Variants in SESTD1 observed in about 807,000 individuals in gnomAD.
SESTD1 encodes the protein SEC14 and spectrin domain containing 1.
A neutral mutation model predicts 101.7 loss-of-function variants in SESTD1; 43 were observed. That is an observed-to-expected ratio of 0.42 (90% confidence interval 0.33 to 0.55). The LOEUF (loss-of-function observed/expected upper bound fraction) is 0.55. Ranked by LOEUF, SESTD1 falls within the 20% of genes least tolerant of loss-of-function variation. The pLI, the probability that SESTD1 is intolerant of heterozygous loss-of-function variation, is 0.07. For synonymous variants in SESTD1, 283 were observed against 286.8 expected, an observed-to-expected ratio of 0.99 and a Z score of 0.13; for missense variants, 647 against 815.1, an observed-to-expected ratio of 0.79 and a Z score of 2.51.
chr2:179,212,653 C>T lies in SESTD1; in HGVS notation c.-25-20787G>A, dbSNP rs567080918. Among the ~76,000 whole-genome samples the T allele has an allele frequency of 2.1e-4, 29 of 135,538 alleles. 7 individuals carry two copies. The highest frequency in any genetic ancestry group is 3.5e-4 in the African/African-American group (12 of 34,402). The allele number at this position is 135,538 out of a possible 152,430, so 88.9% of individuals were successfully genotyped here. On this transcript the variant is annotated intron_variant, in intron 1 of 17. Coordinates refer to ENST00000428443, the MANE Select transcript of SESTD1 (RefSeq NM_178123.5). Reference sequence around the variant, plus strand: ...GAGAACAGTTGTTCTCCCAACATGGCGTTTGAGCTCTGAGAATGGACAGAT... The same window carrying T: ...GAGAACAGTTGTTCTCCCAACATGGTGTTTGAGCTCTGAGAATGGACAGAT...
chr2:179,211,815 C>T (rs1224007237), intron 1 of SESTD1, among the ~76,000 whole-genome samples: 2 of 129,772 alleles, frequency 1.5e-5, no homozygotes, highest in Admixed American at 7.5e-5. Flanking sequence ...TATGAGGATA[C>T]GAAGGCAGGA....
chr2:179,202,579 A>T lies in SESTD1; in HGVS notation c.-25-10713T>A, dbSNP rs1243866856. 1.5e-5 allele frequency among the ~76,000 whole-genome samples: 2 copies of T among 134,628 alleles called. 1 individual carries two copies. The highest frequency in any genetic ancestry group is 5.9e-5 in the African/African-American group (2 of 33,966). The allele number at this position is 134,628 out of a possible 152,430, so 88.3% of individuals were successfully genotyped here. A position where few individuals can be genotyped will look rare whatever the true frequency, so the allele number is the denominator to read the frequency against. On this transcript the variant is annotated intron_variant, in intron 1 of 17. Transcript: ENST00000428443. ...TTTCTGTGTCTAATTAAATTCAAAC[A>T]CTTTTTCCTTGAGTTTAATTTTCAG... is the stretch of plus-strand genomic sequence containing the variant.
At chr2:179,244,003 T>C (rs2047193526) in intron 1 of SESTD1, among the ~76,000 whole-genome samples, 1 of 151,376 alleles carries the variant, frequency 6.6e-6, no homozygotes, top group Non-Finnish European at 1.5e-5. Context: ...TGTACACTTG[T>C]ATCCTAGCTA....
chr2:179,123,740 C>A lies in SESTD1; in HGVS notation c.1257G>T (p.Leu419=), dbSNP rs2044805173. The change falls in exon 12 of 18, where the codon CTG becomes CTT. Residue 419 remains leucine (L), a synonymous_variant. Transcript: ENST00000428443. ...CAACACTTTTCAGCTTCTCTTCAAG[C>A]AGTTTTAAAGTTTGCTGAATCGATG... ...DGASIQQTLK[L]LEEKLKSVDV... 1.2e-6 allele frequency: 2 copies of A among 1,613,290 alleles called. No homozygotes were observed. Among genetic ancestry groups the A allele is most frequent in the South Asian group, 2.2e-5 (2 of 90,978 alleles).
At chr2:179,114,745 G>A (rs993287100) in intron 16 of SESTD1, among the ~76,000 whole-genome samples, 8 of 152,088 alleles carry the variant, frequency 5.3e-5, no homozygotes, top group Non-Finnish European at 1.2e-4. Flanking sequence ...CATAACGAAA[G>A]AGATTGAACT....
intron 7 of SESTD1, among the ~76,000 whole-genome samples, chr2:179,149,059 CAAAAAAAAAAAAAAAAA>C (rs66636048): frequency 8.3e-5 from 5 of 60,414 alleles, no homozygotes; most frequent in Admixed American, 5.9e-4. Context: ...GACTCCGTCT[CAAAAAAAAAAAAAAAAA>C]AAAAAAAAAA....
chr2:179,121,904 T>C lies in SESTD1; in HGVS notation c.1308A>G (p.Glu436=), dbSNP rs1456965257. The change falls in exon 13 of 18, where the codon GAA becomes GAG. Residue 436 remains glutamate, a synonymous_variant. Transcript: ENST00000428443. The part of the protein sequence containing the change: ...SVDVGLQGLR[E]KGQGLLDQIS... Reference sequence around the variant, plus strand: ...TCTGATCCAGGAGACCTTGACCTTTTTCACGCAAACCTTGCAATCCCACAT... The same window carrying C: ...TCTGATCCAGGAGACCTTGACCTTTCTCACGCAAACCTTGCAATCCCACAT... The C allele has an allele frequency of 6.2e-7, 1 of 1,606,080 alleles. No individual in the cohort carries two copies. Among genetic ancestry groups the C allele is most frequent in the East Asian group, 2.2e-5 (1 of 44,480 alleles).
Position 179,102,289 on chromosome 2 carries a change from A to C in SESTD1, c.*7610T>G, listed in dbSNP as rs1330893256. The C allele has an allele frequency of 6.6e-6, 1 of 152,166 alleles. No individual in the cohort carries two copies. Among genetic ancestry groups the C allele is most frequent in the African/African-American group, 2.4e-5 (1 of 41,440 alleles). 9.4% of individuals were successfully genotyped at this position (152,166 alleles called of 1,614,324 possible). On this transcript the variant is annotated 3_prime_UTR_variant, in exon 18 of 18. Transcript: ENST00000428443. ...GGTTATTTCAGAATATACAAGTTACATTTTTGATTTAATGAAAGGTTTTAG... is the reference window on the plus strand; with the variant it reads ...GGTTATTTCAGAATATACAAGTTACCTTTTTGATTTAATGAAAGGTTTTAG...
intron 2 of SESTD1, among the ~76,000 whole-genome samples, chr2:179,184,887 A>T (rs1331794875): frequency 6.6e-6 from 1 of 152,132 alleles, no homozygotes; most frequent in Non-Finnish European, 1.5e-5. Flanking sequence ...GCTTTCATTC[A>T]GGGACAATAA....
intron 16 of SESTD1, among the ~76,000 whole-genome samples, chr2:179,113,406 A>G (rs1395237295): frequency 1.3e-5 from 2 of 152,164 alleles, no homozygotes; most frequent in Non-Finnish European, 2.9e-5. Flanking sequence ...ACTGCCATAA[A>G]ATGATTAGGT....
At chr2:179,192,329 T>C (rs1469497510) in intron 1 of SESTD1, among the ~76,000 whole-genome samples, 1 of 152,214 alleles carries the variant, frequency 6.6e-6, no homozygotes, top group Admixed American at 6.5e-5. Flanking sequence ...AAATATCTGA[T>C]TCTTTCCATT....
rs2044405331 is a variant in SESTD1 at position 179,107,292 on chromosome 2, A to T, written c.*2607T>A. The T allele has an allele frequency of 6.6e-6, 1 of 152,200 alleles. No individual in the cohort carries two copies. The highest frequency in any genetic ancestry group is 1.5e-5 in the Non-Finnish European group (1 of 68,028). 9.4% of individuals were successfully genotyped at this position (152,200 alleles called of 1,614,324 possible). On this transcript the variant is annotated 3_prime_UTR_variant, in exon 18 of 18. Coordinates refer to ENST00000428443, the MANE Select transcript of SESTD1 (RefSeq NM_178123.5). ...AGCAGCAGCAAATTTACAGATGAGGAGCAATGATATTCATTATGTTAAAAT... is the reference window on the plus strand; with the variant it reads ...AGCAGCAGCAAATTTACAGATGAGGTGCAATGATATTCATTATGTTAAAAT...
At chr2:179,198,793 C>A (rs866840087) in intron 1 of SESTD1, among the ~76,000 whole-genome samples, 2 of 151,922 alleles carry the variant, frequency 1.3e-5, no homozygotes, top group Non-Finnish European at 2.9e-5. Flanking sequence ...ATTTCTGGGA[C>A]GCATTCAAAG....
chr2:179,229,201 C>T (rs1047193463), intron 1 of SESTD1, among the ~76,000 whole-genome samples: 2 of 152,086 alleles, frequency 1.3e-5, no homozygotes, highest in African/African-American at 4.8e-5. Flanking sequence ...ACAGTGTTTA[C>T]GGAAAAGACG....
At chr2:179,245,188 T>C (rs935756393) in intron 1 of SESTD1, among the ~76,000 whole-genome samples, 17 of 151,730 alleles carry the variant, frequency 1.1e-4, no homozygotes, top group African/African-American at 3.4e-4. Context: ...GTTGGCAACA[T>C]AGCAAGACCC....
chr2:179,180,694 T>G (rs2046093221), intron 3 of SESTD1, among the ~76,000 whole-genome samples: 1 of 152,178 alleles, frequency 6.6e-6, no homozygotes, highest in South Asian at 2.1e-4. Flanking sequence ...TATGAACATT[T>G]TAATAAAATG....
At chr2:179,241,562 A>G (rs2047153619) in intron 1 of SESTD1, among the ~76,000 whole-genome samples, 1 of 152,136 alleles carries the variant, frequency 6.6e-6, no homozygotes, top group African/African-American at 2.4e-5. Context: ...TGGGGGCTCA[A>G]GCAGGAAGAT....
intron 16 of SESTD1, among the ~76,000 whole-genome samples, chr2:179,113,796 G>A (rs2044565574): frequency 6.6e-6 from 1 of 151,940 alleles, no homozygotes; most frequent in Non-Finnish European, 1.5e-5. Flanking sequence ...GCTCCAGGAG[G>A]TGGAGCCTGC....
At chr2:179,146,488 A>G (rs1264394014) in intron 7 of SESTD1, 31 bp from the exon 8 acceptor site, 5 of 1,579,562 alleles carry the variant, frequency 3.2e-6, no homozygotes. Context: ...AATTTTCAAA[A>G]GGCATATTTC....
Sources: allele counts gnomAD v4.1 joint callset (sites outside exome capture counted in the v4.1 genomes callset), GRCh38; gene constraint gnomAD v4.1.1; transcripts MANE v1.5; gene names NCBI Gene and HGNC (gene_info 2026-07-23, HGNC 2026-07-21).